The following MYO9A variants were observed in gnomAD, a reference collection of about 807,000 sequenced individuals.
MYO9A encodes the protein unconventional myosin-IXa.
MYO9A carries 103 observed loss-of-function variants against 293.3 expected under a neutral mutation model. That is an observed-to-expected ratio of 0.35 (90% CI 0.30 to 0.41). MYO9A has a LOEUF of 0.41. Among genes scored for constraint, MYO9A ranks in the 10% least tolerant of loss-of-function variants. MYO9A has a pLI of 1.00. For synonymous variants in MYO9A, 1,001 were observed against 1,035.7 expected (o/e 0.97, Z 0.64); for missense variants, 2,685 against 3,033.0 (o/e 0.89, Z 2.69).
At chr15:72,078,072 G>A (rs1313014027) in intron 1 of MYO9A, among the ~76,000 whole-genome samples, 1 of 152,094 alleles carries the variant, frequency 6.6e-6, no homozygotes, top group Non-Finnish European at 1.5e-5. Context: ...ATTCATTGCT[G>A]GTGGGGATGC....
chr15:71,953,904 T>TTTTG (rs1270505928), intron 14 of MYO9A, among the ~76,000 whole-genome samples: 1 of 152,004 alleles, frequency 6.6e-6, no homozygotes, highest in Non-Finnish European at 1.5e-5. Flanking sequence ...TTTTGTTTTG[T>TTTTG]TTTGTTTTTT....
chr15:71,906,283 T>C (rs1163841741), intron 19 of MYO9A, among the ~76,000 whole-genome samples: 1 of 152,200 alleles, frequency 6.6e-6, no homozygotes, highest in Non-Finnish European at 1.5e-5. Context: ...AAATGCATAT[T>C]CTGCAATTGT....
At chr15:71,909,436 C>T (rs956490555) in intron 19 of MYO9A, among the ~76,000 whole-genome samples, 4 of 152,186 alleles carry the variant, frequency 2.6e-5, no homozygotes, top group African/African-American at 9.7e-5. Context: ...TTTTGGACTT[C>T]TGCCATTCCA....
At chr15:72,004,659 A>T (rs148190539) in intron 8 of MYO9A, among the ~76,000 whole-genome samples, 1 of 152,262 alleles carries the variant, frequency 6.6e-6, no homozygotes, top group Non-Finnish European at 1.5e-5. Context: ...AGTTTTTGGT[A>T]ATGATGATAG....
chr15:71,965,384 A>C (rs1325338210), intron 13 of MYO9A, among the ~76,000 whole-genome samples: 3 of 152,172 alleles, frequency 2.0e-5, no homozygotes, highest in African/African-American at 7.2e-5. Context: ...AAAAAAATCT[A>C]CAATTATGAT....
intron 39 of MYO9A, among the ~76,000 whole-genome samples, chr15:71,846,899 G>C (rs1341646893): frequency 6.6e-6 from 1 of 152,132 alleles, no homozygotes; most frequent in Non-Finnish European, 1.5e-5. Context: ...CCTATTTGTA[G>C]CTCTGTCTGA....
At chr15:71,827,536 A>G (rs1384107613) in intron 41 of MYO9A, among the ~76,000 whole-genome samples, 1 of 152,200 alleles carries the variant, frequency 6.6e-6, no homozygotes, top group Non-Finnish European at 1.5e-5. Context: ...AACAAAACAA[A>G]AAACAAAAAA....
At chr15:71,835,959 G>C (rs1474286467) in intron 39 of MYO9A, among the ~76,000 whole-genome samples, 1 of 152,006 alleles carries the variant, frequency 6.6e-6, no homozygotes, top group Non-Finnish European at 1.5e-5. Flanking sequence ...TAATAAAAGG[G>C]GAACTGCAGG....
intron 15 of MYO9A, chr15:71,950,375 G>C (rs1165785336): frequency 6.6e-6 from 1 of 152,158 alleles, no homozygotes; most frequent in African/African-American, 2.4e-5. Flanking sequence ...CATACAATCA[G>C]GTCTGGGGTT....
intron 16 of MYO9A, among the ~76,000 whole-genome samples, chr15:71,937,245 A>G (rs569219086): frequency 6.6e-6 from 1 of 152,268 alleles, no homozygotes. Flanking sequence ...ATTGACTCCA[A>G]TTCTGGAGTT....
At position 71,830,266 on chromosome 15, in the gene MYO9A, G is replaced by A. The variant is rs950275741; in HGVS notation, c.6883C>T (p.Pro2295Ser). 1.2e-6 allele frequency: 2 copies of A among 1,613,892 alleles called. No homozygotes were observed. Among genetic ancestry groups the A allele is most frequent in the East Asian group, 2.2e-5 (1 of 44,882 alleles). Residue 2295 changes from proline to serine, a missense_variant, in exon 40 of 42, where the codon CCT becomes TCT. Physicochemically the swap from Pro to Ser is moderately conservative, Grantham distance 74 (BLOSUM62 -1). Transcript: ENST00000356056. The part of the protein sequence containing the change: ...RRGNYPGPSS[P>S]VVVRLPSVSD... ...ACAGAAGGCAACCGAACTACAACAG[G>A]AGACGATGGACCTGGATAGTTTCCT...
intron 1 of MYO9A, among the ~76,000 whole-genome samples, chr15:72,074,951 C>CTTCTTTTTTTT (rs2079301118): frequency 1.9e-5 from 1 of 53,110 alleles, no homozygotes; most frequent in African/African-American, 7.3e-5. Context: ...TTTTCACTGC[C>CTTCTTTTTTTT]TTTTTTTTTT....
intron 1 of MYO9A, among the ~76,000 whole-genome samples, chr15:72,066,888 C>T (rs2150092829): frequency 6.6e-6 from 1 of 151,284 alleles, no homozygotes; most frequent in East Asian, 1.9e-4. Flanking sequence ...AAAAAGAAAA[C>T]AACAAATTAG....
intron 1 of MYO9A, among the ~76,000 whole-genome samples, chr15:72,103,440 G>C (rs922276884): frequency 2.0e-5 from 3 of 149,810 alleles, no homozygotes; most frequent in African/African-American, 7.4e-5. Flanking sequence ...AGCAGCAGAA[G>C]CAGAAGCAGC....
At position 72,117,913 on chromosome 15, in the gene MYO9A, AC is replaced by A. The variant is rs2081061421; in HGVS notation, c.-306del. The A allele has an allele frequency of 7.5e-6, 3 of 397,958 alleles. No individual in the cohort carries two copies. Among genetic ancestry groups the A allele is most frequent in the Middle Eastern group, 1.3e-3 (2 of 1,586 alleles). The allele number at this position is 397,958 out of a possible 1,614,324, so 24.7% of individuals were successfully genotyped here. ...CCTGAGCAGGCACATCCCCCGCCGC[AC>A]CCCGCCCAGAGAGCACGCGTTGGAC... On this transcript the variant is annotated 5_prime_UTR_variant, in exon 1 of 42. Transcript: ENST00000356056.
At chr15:72,016,526 G>T (rs1303852363) in intron 6 of MYO9A, among the ~76,000 whole-genome samples, 1 of 152,182 alleles carries the variant, frequency 6.6e-6, no homozygotes, top group African/African-American at 2.4e-5. Context: ...TACAACAGAA[G>T]AGTCCTCAAA....
chr15:71,995,186 T>C (rs1241825570), intron 9 of MYO9A, among the ~76,000 whole-genome samples: 1 of 152,122 alleles, frequency 6.6e-6, no homozygotes, highest in East Asian at 1.9e-4. Context: ...GGAAAGAAGG[T>C]ATAATTGGAA....
In MYO9A at chr15:71,986,124, G is replaced by A. The variant is rs530565744; in HGVS notation, c.1722+4979C>T. On this transcript the variant is annotated intron_variant, in intron 11 of 41. Transcript: ENST00000356056. ...CGACCACATATCAAAAATATTTAGA[G>A]AAAAAAATGCAAAAAATATAAACTT... 6.6e-5 allele frequency among the ~76,000 whole-genome samples: 10 copies of A among 152,002 alleles called. No homozygotes were observed. In the South Asian group the frequency reaches 2.1e-3, roughly 32 times the overall value.
intron 39 of MYO9A, among the ~76,000 whole-genome samples, chr15:71,831,501 C>A (rs968632306): frequency 6.6e-6 from 1 of 152,212 alleles, no homozygotes; most frequent in Non-Finnish European, 1.5e-5. Context: ...CCGTGCCTGA[C>A]ACTGGGATCC....
Sources: gnomAD v4.1 joint callset for allele counts (sites outside exome capture counted in the v4.1 genomes callset) on GRCh38, gnomAD v4.1.1 for gene constraint, MANE v1.5 for transcripts, NCBI Gene and HGNC (gene_info 2026-07-23, HGNC 2026-07-21) for gene names.